Variants in BEST3 observed in about 807,000 individuals in gnomAD.
BEST3 encodes bestrophin-3.
In BEST3, 50 loss-of-function variants were observed where a neutral mutation model predicts 47.1. That is an observed-to-expected ratio of 1.06 (90% confidence interval 0.85 to 1.34). The LOEUF (loss-of-function observed/expected upper bound fraction) is 1.34, where lower values mean the gene tolerates loss of function less well. Ranked by LOEUF, BEST3 falls within the 40% of genes most tolerant of loss-of-function variation. The pLI is 0.00. For missense variants in BEST3, 765 were observed against 817.0 expected (o/e 0.94, Z 0.78); for synonymous variants, 282 against 298.8 (o/e 0.94, Z 0.58).
At chr12:69,689,523 C>T (rs1885828603) in intron 4 of BEST3, among the ~76,000 whole-genome samples, 1 of 152,158 alleles carries the variant, frequency 6.6e-6, no homozygotes, top group Admixed American at 6.6e-5. Flanking sequence ...AAATTACTTA[C>T]CAGAAGCACA....
chr12:69,655,693 G>T lies in BEST3; in HGVS notation c.1221C>A (p.Ser407Arg), dbSNP rs1405642034. Residue 407 changes from serine (S) to arginine (R), a missense_variant, in exon 10 of 10, where the codon AGC becomes AGA. Ser to Arg is a moderately radical substitution (Grantham distance 110). Coordinates refer to ENST00000330891, the MANE Select transcript of BEST3 (RefSeq NM_032735.3). ...RFLSAHEHPS[S>R]PRRRSYRRQT... is the part of the protein sequence containing the mutation. ...GCCTCCTGTAGCTTCTTCTTCTGGG[G>T]CTGGAGGGGTGTTCGTGGGCACTCA... 6.2e-7 allele frequency: 1 copy of T among 1,613,834 alleles called. No individual in the cohort carries two copies. The highest frequency in any genetic ancestry group is 1.7e-5 in the Admixed American group (1 of 59,984).
chr12:69,662,198 T>C (rs11177783), intron 9 of BEST3, among the ~76,000 whole-genome samples: 16,121 of 152,250 alleles, frequency 0.11, 1,123 homozygotes, highest in Middle Eastern at 0.17. Flanking sequence ...TTTCCATTTC[T>C]CCTTCCTTTC....
intron 2 of BEST3, among the ~76,000 whole-genome samples, chr12:69,694,987 A>T (rs1381863649): frequency 6.6e-6 from 1 of 152,176 alleles, no homozygotes; most frequent in South Asian, 2.1e-4. Context: ...TAAAGCCCAG[A>T]ATTGTTTGGA....
At chr12:69,646,878 C>A (rs1883053718) in intron 9 of BEST3, among the ~76,000 whole-genome samples, 1 of 152,046 alleles carries the variant, frequency 6.6e-6, no homozygotes, top group Non-Finnish European at 1.5e-5. Flanking sequence ...TGGATTAATA[C>A]CAAGCTTATC....
intron 4 of BEST3, among the ~76,000 whole-genome samples, chr12:69,685,036 A>ATTCTATTCTG (rs1343557274): frequency 6.7e-6 from 1 of 148,796 alleles, no homozygotes; most frequent in East Asian, 2.0e-4. Context: ...ATTCTATTCT[A>ATTCTATTCTG]TTGTTCTCCA....
intron 4 of BEST3, among the ~76,000 whole-genome samples, chr12:69,680,418 C>T (rs751619596): frequency 5.3e-5 from 8 of 151,262 alleles, no homozygotes; most frequent in Non-Finnish European, 8.8e-5. Context: ...AGGCCATTCT[C>T]CTGCCTCAGC....
In BEST3 at chr12:69,680,310, C is replaced by CTTCTTTTTTTTTT. The variant is rs763385722; in HGVS notation, c.482-1418_482-1417insAAAAAAAAAAGAA. On this transcript the variant is annotated intron_variant, in intron 4 of 9. Coordinates refer to ENST00000330891, the MANE Select transcript of BEST3 (RefSeq NM_032735.3). ...TTAAAACTTACAGTTTACACTTGAT[C>CTTCTTTTTTTTTT]TTTTTTTTTTTTTTTTTAGATGGAG... is the stretch of plus-strand genomic sequence containing the variant. Among the ~76,000 whole-genome samples, 167 of 94,944 alleles carry CTTCTTTTTTTTTT rather than the reference C, an allele frequency of 1.8e-3. 25 individuals are homozygous for CTTCTTTTTTTTTT. The highest frequency in any genetic ancestry group is 5.8e-3 in the African/African-American group (136 of 23,380). The allele number at this position is 94,944 out of a possible 152,430, so 62.3% of individuals were successfully genotyped here.
At chr12:69,696,640 G>C (rs1886142766) in intron 2 of BEST3, among the ~76,000 whole-genome samples, 1 of 152,046 alleles carries the variant, frequency 6.6e-6, no homozygotes, top group Non-Finnish European at 1.5e-5. Context: ...TTGACATGTG[G>C]AAAAATAGCT....
chr12:69,686,567 T>A (rs1592368668), intron 4 of BEST3, among the ~76,000 whole-genome samples: 1 of 149,948 alleles, frequency 6.7e-6, no homozygotes. Flanking sequence ...AGGCCAGGAG[T>A]TCGAGACCAG....
At chr12:69,697,390 A>G (rs770969556) in intron 2 of BEST3, among the ~76,000 whole-genome samples, 25 of 152,178 alleles carry the variant, frequency 1.6e-4, no homozygotes, top group Non-Finnish European at 1.3e-4. Flanking sequence ...TTTTGTGCCT[A>G]TTGCAACAGT....
At chr12:69,649,983 T>G (rs1883158702), downstream of BEST3, among the ~76,000 whole-genome samples, 1 of 152,256 alleles carries the variant, frequency 6.6e-6, no homozygotes, top group African/African-American at 2.4e-5. Context: ...CCTGGCCACA[T>G]CTACCTGTGG....
intron 9 of BEST3, among the ~76,000 whole-genome samples, chr12:69,647,877 A>T (rs1883089063): frequency 6.6e-6 from 1 of 152,218 alleles, no homozygotes; most frequent in Non-Finnish European, 1.5e-5. Flanking sequence ...TTAGTCTAGA[A>T]AAAGAAGGAA....
At chr12:69,683,253 C>A (rs1380713757) in intron 4 of BEST3, 1 of 152,194 alleles carries the variant, frequency 6.6e-6, no homozygotes, top group African/African-American at 2.4e-5. Context: ...GTTTTTAGCA[C>A]AAATTTATTG....
chr12:69,682,161 G>A (rs1592360957), intron 4 of BEST3, among the ~76,000 whole-genome samples: 2 of 151,756 alleles, frequency 1.3e-5, no homozygotes, highest in African/African-American at 4.8e-5. Flanking sequence ...GATCTAGGAT[G>A]AGGCCAGGCA....
At chr12:69,686,735 A>G (rs934677079) in intron 4 of BEST3, among the ~76,000 whole-genome samples, 5 of 146,490 alleles carry the variant, frequency 3.4e-5, no homozygotes, top group African/African-American at 1.3e-4. Context: ...TTTCAACACT[A>G]TACTCCAGCC....
chr12:69,666,027 T>C (rs1234942116), intron 9 of BEST3, among the ~76,000 whole-genome samples: 1 of 150,206 alleles, frequency 6.7e-6, no homozygotes, highest in Non-Finnish European at 1.5e-5. Context: ...CTTAAACTTC[T>C]TTTTTTTTCT....
rs1883015633 is a variant in BEST3 at position 69,645,874 on chromosome 12, T to C, written c.1101-2087A>G. ...AATTTTCTAATGTTCATCACAACCG[T>C]CTCTTTCTTCCTCCTCCAGGTATAG... On this transcript the variant is annotated intron_variant, in intron 9 of 9. Transcript: ENST00000331471. Among the ~76,000 whole-genome samples the C allele has an allele frequency of 1.3e-5, 2 of 152,106 alleles. 1 individual carries two copies. Among genetic ancestry groups the C allele is most frequent in the South Asian group, 4.2e-4 (2 of 4,816 alleles).
chr12:69,692,247 T>C (rs1669292163), intron 4 of BEST3, among the ~76,000 whole-genome samples: 1 of 152,190 alleles, frequency 6.6e-6, no homozygotes, highest in Admixed American at 6.5e-5. Context: ...TATCTATTTT[T>C]CAGGACATTT....
At chr12:69,680,310 C>CTTTTTTT (rs1555207049) in intron 4 of BEST3, among the ~76,000 whole-genome samples, 2 of 95,030 alleles carry the variant, frequency 2.1e-5, no homozygotes, top group Non-Finnish European at 4.0e-5. Flanking sequence ...TACACTTGAT[C>CTTTTTTT]TTTTTTTTTT....
Sources: allele counts gnomAD v4.1 joint callset (sites outside exome capture counted in the v4.1 genomes callset), GRCh38; gene constraint gnomAD v4.1.1; transcripts MANE v1.5; gene names NCBI Gene and HGNC (gene_info 2026-07-23, HGNC 2026-07-21).